The following ZNF10 variants were observed in gnomAD, a reference collection of about 807,000 sequenced individuals.
ZNF10 encodes zinc finger protein 10.
Under a neutral mutation model 12.2 loss-of-function variants are expected in ZNF10, and 8 were observed. That is an observed-to-expected ratio of 0.66 (90% confidence interval 0.39 to 1.18). The LOEUF (loss-of-function observed/expected upper bound fraction) is 1.18, where lower values mean the gene tolerates loss of function less well. Among genes scored for constraint, ZNF10 ranks in the 50% most tolerant of loss-of-function variants. The probability of loss-of-function intolerance (pLI) is 0.01; values close to 1 mark genes in which losing one functional copy is unlikely to be tolerated. For missense variants in ZNF10, 603 were observed against 678.9 expected, an observed-to-expected ratio of 0.89 and a Z score of 1.24; for synonymous variants, 229 against 228.2, an observed-to-expected ratio of 1.00 and a Z score of -0.03.
chr12:133,149,568 G>T (rs139655672), intron 2 of ZNF10, among the ~76,000 whole-genome samples: 2 of 151,352 alleles, frequency 1.3e-5, no homozygotes, highest in African/African-American at 2.4e-5. Flanking sequence ...ATATTGCCAG[G>T]CTGGTCTTGA....
chr12:133,154,537 C>T (rs1956027665), intron 4 of ZNF10, among the ~76,000 whole-genome samples: 1 of 152,162 alleles, frequency 6.6e-6, no homozygotes, highest in East Asian at 1.9e-4. Flanking sequence ...CAAATACTGT[C>T]ATCCTTAGAT....
At chr12:133,140,302 C>G (rs1417403152) in intron 1 of ZNF10, among the ~76,000 whole-genome samples, 3 of 151,056 alleles carry the variant, frequency 2.0e-5, no homozygotes, top group Admixed American at 2.0e-4. Context: ...CACTTGAGCC[C>G]AAGAGTTTGA....
At position 133,148,758 on chromosome 12, in the gene ZNF10, T is replaced by G. The variant is rs1368569362; in HGVS notation, c.34-2270T>G. ...AGGTTGTATTCAATGTTGGTTTTTT[T>G]TTTTTTTTTTTGAGTTGGAGTTTTG... is the stretch of plus-strand genomic sequence containing the variant. On this transcript the variant is annotated intron_variant, in intron 2 of 4. Transcript: ENST00000248211. 4.0e-5 allele frequency among the ~76,000 whole-genome samples: 6 copies of G among 150,370 alleles called. No individual in the cohort carries two copies. The South Asian group carries it at 8.4e-4, about 21-fold the overall frequency.
chr12:133,144,981 C>G (rs1456343249), intron 2 of ZNF10: 5 of 374,782 alleles, frequency 1.3e-5, no homozygotes, highest in African/African-American at 2.2e-5. Context: ...CTCCCAGGTT[C>G]AAGTGATTCT....
Position 133,130,653 on chromosome 12 carries a change from C to A in ZNF10, c.-161C>A, listed in dbSNP as rs1224471741. On this transcript the variant is annotated 5_prime_UTR_variant, in exon 1 of 5. Transcript: ENST00000248211. ...GACTCACCTCTGACGCCGCTCTTCG[C>A]GCTCCGCTGGTGAATGGAGTCGCGT... 6.6e-6 allele frequency: 1 copy of A among 152,422 alleles called. No homozygotes were observed. Among genetic ancestry groups the A allele is most frequent in the Non-Finnish European group, 1.5e-5 (1 of 68,068 alleles). 9.4% of individuals were successfully genotyped at this position (152,422 alleles called of 1,614,324 possible). A position where few individuals can be genotyped will look rare whatever the true frequency, so the allele number is the denominator to read the frequency against.
chr12:133,146,398 C>G (rs145710611), intron 2 of ZNF10, among the ~76,000 whole-genome samples: 2 of 152,280 alleles, frequency 1.3e-5, no homozygotes, highest in East Asian at 3.9e-4. Context: ...GAGAGGAAAC[C>G]TGGAGGGAAG....
intron 1 of ZNF10, among the ~76,000 whole-genome samples, chr12:133,141,637 A>G (rs953909362): frequency 1.3e-5 from 2 of 152,136 alleles, no homozygotes; most frequent in African/African-American, 4.8e-5. Context: ...AACTATCCAA[A>G]ATGAAATGCA....
At chr12:133,136,092 C>T (rs1354039969) in intron 1 of ZNF10, among the ~76,000 whole-genome samples, 2 of 152,166 alleles carry the variant, frequency 1.3e-5, no homozygotes, top group South Asian at 2.1e-4. Flanking sequence ...TTGTCAACAT[C>T]CCACCTATCC....
At position 133,157,517 on chromosome 12, in the gene ZNF10, A is replaced by C. The variant is rs750086088; in HGVS notation, c.*549A>C. ...CTTATAATGTAGTACAATTAAAAAC[A>C]ACACATCTCCACTACCAGTGCTAAC... On this transcript the variant is annotated 3_prime_UTR_variant, in exon 5 of 5. Transcript: ENST00000248211. The C allele has an allele frequency of 4.6e-5, 7 of 152,260 alleles. No homozygotes were observed. The highest frequency in any genetic ancestry group is 8.8e-5 in the Non-Finnish European group (6 of 68,050). 9.4% of individuals were successfully genotyped at this position (152,260 alleles called of 1,614,324 possible). A position where few individuals can be genotyped will look rare whatever the true frequency, so the allele number is the denominator to read the frequency against.
Position 133,158,248 on chromosome 12 carries a change from T to C in ZNF10, c.*1280T>C, listed in dbSNP as rs1026949026. ...GAATAGTGCCTGACATATATTATGT[T>C]CTCTGTAGTTACTGGCTGTGATTAT... On this transcript the variant is annotated 3_prime_UTR_variant, in exon 5 of 5. Coordinates refer to ENST00000248211, the MANE Select transcript of ZNF10 (RefSeq NM_015394.5). 1 of 152,240 alleles carries C rather than the reference T, an allele frequency of 6.6e-6. No homozygotes were observed. The highest frequency in any genetic ancestry group is 2.4e-5 in the African/African-American group (1 of 41,456). The allele number at this position is 152,240 out of a possible 1,614,324, so 9.4% of individuals were successfully genotyped here.
chr12:133,151,768 C>G (rs770836837), intron 3 of ZNF10, 41 bp from the exon 4 acceptor site: 89 of 1,555,412 alleles, frequency 5.7e-5, no homozygotes, highest in Non-Finnish European at 7.6e-5. Context: ...CTCAGAGCTC[C>G]CCTGACTCTT....
intron 4 of ZNF10, among the ~76,000 whole-genome samples, chr12:133,152,710 C>T (rs1046496193): frequency 4.6e-5 from 7 of 152,184 alleles, no homozygotes; most frequent in African/African-American, 7.2e-5. Context: ...GCCACCATGC[C>T]CAGCCTCTAT....
intron 1 of ZNF10, among the ~76,000 whole-genome samples, chr12:133,140,839 A>G (rs922428199): frequency 1.3e-5 from 2 of 152,088 alleles, no homozygotes; most frequent in South Asian, 2.1e-4. Context: ...GCATGGTCCC[A>G]TAAGTAAAAG....
intron 1 of ZNF10, among the ~76,000 whole-genome samples, chr12:133,135,967 G>T (rs987716753): frequency 1.8e-4 from 27 of 152,192 alleles, no homozygotes; most frequent in African/African-American, 6.0e-4. Flanking sequence ...GTCACTGCAT[G>T]GCCCAAACCT....
At chr12:133,136,382 G>A (rs564093966) in intron 1 of ZNF10, among the ~76,000 whole-genome samples, 30 of 152,158 alleles carry the variant, frequency 2.0e-4, no homozygotes, top group African/African-American at 7.2e-4. Flanking sequence ...CAAATTATTA[G>A]TGAAGGCTTA....
intron 2 of ZNF10, among the ~76,000 whole-genome samples, chr12:133,147,209 T>G (rs1955981574): frequency 6.6e-6 from 1 of 152,226 alleles, no homozygotes; most frequent in African/African-American, 2.4e-5. Flanking sequence ...AAGCCCTTTC[T>G]CAGGTTTATA....
chr12:133,156,084 C>A lies in ZNF10; in HGVS notation c.838C>A (p.Leu280Ile). 1.2e-6 allele frequency: 2 copies of A among 1,613,394 alleles called. No homozygotes were observed. Among genetic ancestry groups the A allele is most frequent in the Non-Finnish European group, 1.7e-6 (2 of 1,179,970 alleles). The change falls in exon 5 of 5, where the codon CTT (leucine) becomes ATT (isoleucine). Residue 280 changes from leucine (L) to isoleucine (I), a missense_variant. Physicochemically the swap from Leu to Ile is conservative, Grantham distance 5. Transcript: ENST00000248211. ...AAAATTCTTCAGCTGGCGCTCTAAT[C>A]TTACTAGGCATCAGCTTATTCATAC... Reference protein sequence around the residue: ...CGKFFSWRSNLTRHQLIHTGE... With the variant: ...CGKFFSWRSNITRHQLIHTGE...
At chr12:133,154,415 C>A (rs933517340) in intron 4 of ZNF10, among the ~76,000 whole-genome samples, 4 of 151,718 alleles carry the variant, frequency 2.6e-5, no homozygotes, top group Non-Finnish European at 5.9e-5. Flanking sequence ...GCGAAGAAAT[C>A]AAAAAAATGA....
intron 1 of ZNF10, among the ~76,000 whole-genome samples, chr12:133,132,581 A>G (rs1955887137): frequency 1.4e-5 from 2 of 144,952 alleles, no homozygotes; most frequent in African/African-American, 4.8e-5. Flanking sequence ...TGTGCCTACA[A>G]GAGACTCTTT....
Sources: allele counts gnomAD v4.1 joint callset (sites outside exome capture counted in the v4.1 genomes callset), GRCh38; gene constraint gnomAD v4.1.1; transcripts MANE v1.5; gene names NCBI Gene and HGNC (gene_info 2026-07-23, HGNC 2026-07-21).